Variants in SPAM1 observed in about 807,000 individuals in gnomAD.
The protein encoded by SPAM1 is sperm adhesion molecule 1, also known as hyaluronidase PH-20.
Under a neutral mutation model 29.6 loss-of-function variants are expected in SPAM1, and 22 were observed. The ratio of observed to expected loss-of-function variants is 0.74; its 90% confidence interval spans 0.53 to 1.06. The LOEUF is 1.06. SPAM1 is among the 50% of genes least tolerant of loss of function. The pLI is 0.00. For missense variants in SPAM1, 534 were observed against 604.0 expected, an observed-to-expected ratio of 0.88 and a Z score of 1.21; for synonymous variants, 194 against 204.6, an observed-to-expected ratio of 0.95 and a Z score of 0.44.
chr7:123,932,882 G>A (rs1200843839), intron 1 of SPAM1, among the ~76,000 whole-genome samples: 3 of 152,092 alleles, frequency 2.0e-5, no homozygotes, highest in South Asian at 2.1e-4. Context: ...TCTGGAGTGC[G>A]CAGGGTGTCC....
intron 1 of SPAM1, among the ~76,000 whole-genome samples, chr7:123,936,854 C>G (rs1563022618): frequency 1.3e-5 from 2 of 152,170 alleles, no homozygotes; most frequent in Non-Finnish European, 2.9e-5. Context: ...AAAACACCAG[C>G]AGTGTCTCAG....
chr7:123,968,124 A>G (rs1792451842), intron 5 of SPAM1, among the ~76,000 whole-genome samples: 1 of 152,050 alleles, frequency 6.6e-6, no homozygotes, highest in African/African-American at 2.4e-5. Flanking sequence ...ACCCAGAGGC[A>G]GAAGAAAATA....
chr7:123,934,748 C>T (rs755451641), intron 1 of SPAM1, among the ~76,000 whole-genome samples: 9 of 152,126 alleles, frequency 5.9e-5, no homozygotes, highest in Non-Finnish European at 1.0e-4. Context: ...AAGATAAATA[C>T]TACATGTTCT....
At chr7:123,969,130 G>A (rs116788859) in intron 5 of SPAM1, among the ~76,000 whole-genome samples, 2,281 of 151,916 alleles carry the variant, frequency 0.015, 50 homozygotes, top group African/African-American at 0.052. Flanking sequence ...TTTTAAAATG[G>A]GATTATTTGG....
intron 1 of SPAM1, among the ~76,000 whole-genome samples, chr7:123,948,973 CTT>C (rs58149943): frequency 6.8e-4 from 96 of 141,216 alleles, no homozygotes; most frequent in East Asian, 1.5e-3. Context: ...AAATTTGGCT[CTT>C]TTTTTTTTTT....
At chr7:123,969,212 C>G (rs1792466600) in intron 5 of SPAM1, among the ~76,000 whole-genome samples, 1 of 152,000 alleles carries the variant, frequency 6.6e-6, no homozygotes, top group African/African-American at 2.4e-5. Flanking sequence ...GAACTGTTTA[C>G]AAATATTTTC....
intron 4 of SPAM1, among the ~76,000 whole-genome samples, chr7:123,957,492 G>T (rs535461321): frequency 2.6e-5 from 4 of 152,064 alleles, no homozygotes; most frequent in Admixed American, 6.6e-5. Context: ...AAGAGAAGAA[G>T]TTGAATTTCA....
intron 1 of SPAM1, among the ~76,000 whole-genome samples, chr7:123,938,965 A>G (rs954766606): frequency 6.6e-6 from 1 of 152,170 alleles, no homozygotes; most frequent in Middle Eastern, 3.4e-3. Context: ...TGTTGGATTG[A>G]CTGAAAATCA....
At chr7:123,938,773 C>T (rs1452472759) in intron 1 of SPAM1, among the ~76,000 whole-genome samples, 1 of 152,154 alleles carries the variant, frequency 6.6e-6, no homozygotes, top group Admixed American at 6.5e-5. Flanking sequence ...CCATAGCCCT[C>T]ATTATGGTTA....
In SPAM1 at chr7:123,953,902, A is replaced by T. The variant is rs779675462; in HGVS notation, c.332A>T (p.Asn111Ile). ...YIDSITGVTV[N>I]GGIPQKISLQ... ...GATTCAATCACAGGAGTAACTGTGA[A>T]TGGAGGAATCCCCCAGAAGATTTCC... is the stretch of plus-strand genomic sequence containing the variant. Residue 111 changes from asparagine (N) to isoleucine (I), a missense_variant, in exon 3 of 5, where the codon AAT becomes ATT. Asn to Ile is a moderately radical substitution (Grantham distance 149, BLOSUM62 -3). Transcript: ENST00000682466. The T allele has an allele frequency of 3.1e-6, 5 of 1,613,616 alleles. No homozygotes were observed. In the South Asian group the frequency reaches 5.5e-5, roughly 18 times the overall value.
At chr7:123,934,967 T>C (rs1322117029) in intron 1 of SPAM1, among the ~76,000 whole-genome samples, 1 of 152,186 alleles carries the variant, frequency 6.6e-6, no homozygotes, top group Non-Finnish European at 1.5e-5. Flanking sequence ...TAATTTATTG[T>C]ATGCTTTCAA....
Position 123,954,289 on chromosome 7 carries a change from A to G in SPAM1, c.719A>G (p.Asn240Ser), listed in dbSNP as rs190469752. ...CCCGGTTACAATGGAAGTTGCTTCA[A>G]TGTAGAAATAAAAAGAAATGATGAT... ...KKPGYNGSCF[N>S]VEIKRNDDLS... Residue 240 changes from asparagine to serine, a missense_variant, in exon 3 of 5, where the codon AAT becomes AGT. Physicochemically the swap from Asn to Ser is conservative, Grantham distance 46. Transcript: ENST00000682466. 1.3e-5 allele frequency: 21 copies of G among 1,612,550 alleles called. No individual in the cohort carries two copies. The highest frequency in any genetic ancestry group is 1.4e-5 in the Non-Finnish European group (17 of 1,179,428).
intron 1 of SPAM1, among the ~76,000 whole-genome samples, chr7:123,946,402 G>C (rs1230884781): frequency 6.6e-6 from 1 of 152,120 alleles, no homozygotes. Flanking sequence ...TCTGTCAAAG[G>C]TCCAGGAGCT....
At chr7:123,967,257 G>A (rs1792437390) in intron 5 of SPAM1, among the ~76,000 whole-genome samples, 1 of 151,980 alleles carries the variant, frequency 6.6e-6, no homozygotes, top group South Asian at 2.1e-4. Flanking sequence ...TACGTATCCT[G>A]AAGGAAATCA....
chr7:123,941,416 A>C (rs1808423237), intron 1 of SPAM1, among the ~76,000 whole-genome samples: 1 of 152,206 alleles, frequency 6.6e-6, no homozygotes, highest in Non-Finnish European at 1.5e-5. Context: ...ACCAGGTCAT[A>C]AGTAGATAAG....
chr7:123,928,778 A>G (rs902129162), intron 1 of SPAM1, among the ~76,000 whole-genome samples: 4 of 152,166 alleles, frequency 2.6e-5, no homozygotes, highest in African/African-American at 9.7e-5. Flanking sequence ...CTTTCTTTCA[A>G]GTGCAGGACA....
chr7:123,955,613 C>T (rs988080128), intron 4 of SPAM1, among the ~76,000 whole-genome samples: 11 of 151,854 alleles, frequency 7.2e-5, no homozygotes, highest in South Asian at 2.1e-4. Flanking sequence ...AGGACCTCAG[C>T]GAATAGTCTA....
chr7:123,957,873 G>A (rs1294810977), intron 4 of SPAM1, among the ~76,000 whole-genome samples: 1 of 151,970 alleles, frequency 6.6e-6, no homozygotes, highest in African/African-American at 2.4e-5. Flanking sequence ...AGTCAGCCAA[G>A]GTGGGTTGAA....
At chr7:123,951,703 C>A (rs1394479225) in intron 2 of SPAM1, among the ~76,000 whole-genome samples, 1 of 152,132 alleles carries the variant, frequency 6.6e-6, no homozygotes. Flanking sequence ...CTCCCTGCAA[C>A]CTCTGCCTCC....
Sources: allele counts gnomAD v4.1 joint callset (sites outside exome capture counted in the v4.1 genomes callset), GRCh38; gene constraint gnomAD v4.1.1; transcripts MANE v1.5; gene names NCBI Gene and HGNC (gene_info 2026-07-23, HGNC 2026-07-21).